Variants in UBR3 observed in about 807,000 individuals in gnomAD.
The protein encoded by UBR3 is E3 ubiquitin-protein ligase UBR3.
UBR3 carries 85 observed loss-of-function variants against 243.2 expected under a neutral mutation model. The ratio of observed to expected loss-of-function variants is 0.35; its 90% CI spans 0.29 to 0.42. The LOEUF is 0.42. Among genes scored for constraint, UBR3 ranks in the 10% least tolerant of loss-of-function variants. UBR3 has a pLI of 1.00. For missense variants in UBR3, 1,686 were observed against 2,300.8 expected (o/e 0.73, Z 5.47); for synonymous variants, 748 against 799.8 (o/e 0.94, Z 1.09).
chr2:170,005,363 T>G (rs1012405897), intron 27 of UBR3, among the ~76,000 whole-genome samples: 1 of 152,200 alleles, frequency 6.6e-6, no homozygotes, highest in Non-Finnish European at 1.5e-5. Context: ...AGAAGGCATT[T>G]TATTTTTCTC....
intron 19 of UBR3, among the ~76,000 whole-genome samples, chr2:169,938,888 T>G (rs941121162): frequency 4.6e-5 from 7 of 152,206 alleles, no homozygotes; most frequent in Non-Finnish European, 8.8e-5. Flanking sequence ...TGGTGTTCCT[T>G]TGAGTTTTAA....
At chr2:169,943,868 T>TC (rs1240974749) in intron 20 of UBR3, among the ~76,000 whole-genome samples, 2 of 152,162 alleles carry the variant, frequency 1.3e-5, no homozygotes, top group African/African-American at 4.8e-5. Context: ...TTATTTTTTT[T>TC]CTTAATCTTA....
chr2:169,868,286 C>T (rs368192989), intron 1 of UBR3, among the ~76,000 whole-genome samples: 7 of 152,078 alleles, frequency 4.6e-5, no homozygotes, highest in African/African-American at 1.7e-4. Context: ...TATATTAGAG[C>T]GTTTCATCTG....
At chr2:169,941,413 A>G (rs1021215528) in intron 19 of UBR3, among the ~76,000 whole-genome samples, 2 of 152,234 alleles carry the variant, frequency 1.3e-5, no homozygotes, top group African/African-American at 4.8e-5. Context: ...AACAATTATA[A>G]CAATACTCCG....
At chr2:170,077,910 C>T (rs959255410) in intron 36 of UBR3, 2 of 500,128 alleles carry the variant, frequency 4.0e-6, no homozygotes, top group Admixed American at 5.6e-5. Context: ...CTTAACACTT[C>T]TGTATCTCCC....
At chr2:169,857,639 C>T (rs1181301418) in intron 1 of UBR3, among the ~76,000 whole-genome samples, 5 of 151,436 alleles carry the variant, frequency 3.3e-5, no homozygotes, top group Admixed American at 6.6e-5. Context: ...GTTGGCTAGG[C>T]TGATCTCAAA....
At chr2:170,052,302 A>T (rs2091236723) in intron 32 of UBR3, among the ~76,000 whole-genome samples, 2 of 152,122 alleles carry the variant, frequency 1.3e-5, no homozygotes, top group Non-Finnish European at 2.9e-5. Context: ...TTCCTCAAAA[A>T]ACTAAAATAG....
chr2:169,880,735 T>C (rs909975874), intron 5 of UBR3, among the ~76,000 whole-genome samples: 6 of 152,168 alleles, frequency 3.9e-5, no homozygotes, highest in Non-Finnish European at 8.8e-5. Context: ...TTCTAATCTG[T>C]CCTTTTTAGG....
intron 24 of UBR3, among the ~76,000 whole-genome samples, chr2:169,984,800 CTG>C (rs1367523995): frequency 6.6e-6 from 1 of 152,066 alleles, no homozygotes; most frequent in Middle Eastern, 3.2e-3. Context: ...ACATTGGTGT[CTG>C]TAATTTTTAA....
chr2:169,971,155 C>T (rs2105376246), intron 24 of UBR3, among the ~76,000 whole-genome samples: 1 of 151,838 alleles, frequency 6.6e-6, no homozygotes, highest in South Asian at 2.1e-4. Context: ...GTCCTTCGCC[C>T]ACTTTTTGAT....
At chr2:169,884,375 A>G (rs13427567) in intron 5 of UBR3, among the ~76,000 whole-genome samples, 27,608 of 151,740 alleles carry the variant, frequency 0.18, 2,760 homozygotes, top group East Asian at 0.37. Context: ...GATGGTCTTG[A>G]TCTCCTGACC....
At chr2:170,045,871 A>T (rs1003522998) in intron 32 of UBR3, among the ~76,000 whole-genome samples, 6 of 152,166 alleles carry the variant, frequency 3.9e-5, no homozygotes, top group African/African-American at 1.2e-4. Context: ...AAATAATTTT[A>T]AAAAATCGTG....
intron 25 of UBR3, among the ~76,000 whole-genome samples, chr2:169,992,304 T>G (rs2105392825): frequency 6.6e-6 from 1 of 152,330 alleles, no homozygotes; most frequent in Middle Eastern, 3.4e-3. Flanking sequence ...CCAGATGGCT[T>G]CACTGGTGAA....
At position 169,912,786 on chromosome 2, in the gene UBR3, T is replaced by G. The variant is rs1161605117; in HGVS notation, c.1780-1274T>G. On this transcript the variant is annotated intron_variant, in intron 10 of 38. Coordinates refer to ENST00000272793, the MANE Select transcript of UBR3 (RefSeq NM_172070.4). ...ACTTACCAAAGAACTGCCAAGCTTT[T>G]TTTTTTCTTTTTGAGATAGGGTCTC... Among the ~76,000 whole-genome samples, 4 of 152,158 alleles carry G rather than the reference T, an allele frequency of 2.6e-5. 1 individual carries two copies. Among genetic ancestry groups the G allele is most frequent in the Admixed American group, 2.6e-4 (4 of 15,270 alleles).
At chr2:169,901,361 T>C (rs1438951850) in intron 8 of UBR3, among the ~76,000 whole-genome samples, 1 of 152,180 alleles carries the variant, frequency 6.6e-6, no homozygotes, top group African/African-American at 2.4e-5. Flanking sequence ...GTTCTAAAAC[T>C]ATCTTTGGAA....
intron 36 of UBR3, among the ~76,000 whole-genome samples, chr2:170,076,012 T>G (rs10204475): frequency 0.79 from 119,786 of 151,904 alleles, 47,815 homozygotes; most frequent in Middle Eastern, 0.91. Flanking sequence ...AAACCACAAA[T>G]ATCTCTGCTC....
Position 169,857,064 on chromosome 2 carries a change from G to GTTTTTTTTTTTTTTTTTTT in UBR3, c.546-15163_546-15145dup, listed in dbSNP as rs770674966. Among the ~76,000 whole-genome samples the GTTTTTTTTTTTTTTTTTTT allele has an allele frequency of 3.9e-4, 22 of 56,094 alleles. 6 individuals are homozygous for GTTTTTTTTTTTTTTTTTTT. The highest frequency in any genetic ancestry group is 1.8e-3 in the South Asian group (2 of 1,086). 36.8% of individuals were successfully genotyped at this position (56,094 alleles called of 152,430 possible). A position where few individuals can be genotyped will look rare whatever the true frequency, so the allele number is the denominator to read the frequency against. ...ATGATTTCCAGCATAATTTTATTAT[G>GTTTTTTTTTTTTTTTTTTT]TTTTTTTTTTTTTTTTTTTTTTTTT... On this transcript the variant is annotated intron_variant, in intron 1 of 38. Coordinates refer to ENST00000272793, the MANE Select transcript of UBR3 (RefSeq NM_172070.4).
intron 1 of UBR3, among the ~76,000 whole-genome samples, chr2:169,843,355 G>A (rs1574025328): frequency 1.3e-5 from 2 of 152,338 alleles, no homozygotes; most frequent in South Asian, 4.1e-4. Context: ...AAGAGCAAAA[G>A]GGGCAGATCT....
At chr2:169,843,233 A>C (rs2082358594) in intron 1 of UBR3, among the ~76,000 whole-genome samples, 1 of 152,254 alleles carries the variant, frequency 6.6e-6, no homozygotes, top group African/African-American at 2.4e-5. Flanking sequence ...AGTAATAAAG[A>C]ACAGAAATTA....
Sources: gnomAD v4.1 joint callset for allele counts (sites outside exome capture counted in the v4.1 genomes callset) on GRCh38, gnomAD v4.1.1 for gene constraint, MANE v1.5 for transcripts, NCBI Gene and HGNC (gene_info 2026-07-23, HGNC 2026-07-21) for gene names.